Variants in TLK1 observed in about 807,000 individuals in gnomAD.
TLK1 encodes the protein tousled like kinase 1, also known as serine/threonine-protein kinase tousled-like 1.
Under a neutral mutation model 105.3 loss-of-function variants are expected in TLK1, and 24 were observed. The ratio of observed to expected loss-of-function variants is 0.23; its 90% confidence interval spans 0.17 to 0.32. TLK1 has a LOEUF of 0.32. TLK1 is among the 10% of genes least tolerant of loss of function. The probability of loss-of-function intolerance (pLI) is 1.00; values close to 1 mark genes in which losing one functional copy is unlikely to be tolerated. For missense variants in TLK1, 558 were observed against 910.5 expected, an observed-to-expected ratio of 0.61 and a Z score of 4.98; for synonymous variants, 321 against 310.4, an observed-to-expected ratio of 1.03 and a Z score of -0.36.
chr2:171,021,325 A>G (rs1685490957), intron 12 of TLK1, among the ~76,000 whole-genome samples: 1 of 152,174 alleles, frequency 6.6e-6, no homozygotes, highest in Non-Finnish European at 1.5e-5. Flanking sequence ...TTAACGTTCA[A>G]CACTAACCAA....
intron 11 of TLK1, among the ~76,000 whole-genome samples, chr2:171,033,591 G>C (rs778252637): frequency 2.6e-5 from 4 of 151,480 alleles, no homozygotes; most frequent in Non-Finnish European, 5.9e-5. Context: ...ACAAAGAAAT[G>C]ATAAATGCTT....
At chr2:171,069,676 TAAAAC>T (rs1434228944) in intron 3 of TLK1, among the ~76,000 whole-genome samples, 1 of 152,210 alleles carries the variant, frequency 6.6e-6, no homozygotes, top group African/African-American at 2.4e-5. Flanking sequence ...AGTTGGTACA[TAAAAC>T]TAACTGTACG....
At chr2:171,164,235 T>G (rs1692566520), upstream of TLK1, among the ~76,000 whole-genome samples, 1 of 152,194 alleles carries the variant, frequency 6.6e-6, no homozygotes, top group African/African-American at 2.4e-5. Context: ...TTACTGGCAA[T>G]GGGGAGTTAT....
At chr2:171,004,753 T>C (rs1290332491) in intron 18 of TLK1, among the ~76,000 whole-genome samples, 1 of 152,152 alleles carries the variant, frequency 6.6e-6, no homozygotes, top group African/African-American at 2.4e-5. Context: ...TTGGTTTTAT[T>C]AGAATAAGAT....
At chr2:170,999,198 T>C (rs896658543) in intron 18 of TLK1, among the ~76,000 whole-genome samples, 6 of 151,948 alleles carry the variant, frequency 3.9e-5, no homozygotes, top group African/African-American at 1.5e-4. Flanking sequence ...TCAAAACAAA[T>C]AATGCTGCTC....
At chr2:171,162,885 C>T (rs1488675302), upstream of TLK1, among the ~76,000 whole-genome samples, 4 of 152,196 alleles carry the variant, frequency 2.6e-5, no homozygotes, top group African/African-American at 4.8e-5. Context: ...CTCCGCCTCC[C>T]GGGTTCAAAT....
At chr2:171,049,685 C>CGAA in intron 10 of TLK1, 129 bp downstream of exon 10, 1 of 1,155,460 alleles carries the variant, frequency 8.7e-7, no homozygotes, top group South Asian at 1.6e-5. Flanking sequence ...ATATCCCTTT[C>CGAA]AAAGGTACTA....
At chr2:171,033,241 CAG>C (rs933920049) in intron 11 of TLK1, among the ~76,000 whole-genome samples, 3 of 152,070 alleles carry the variant, frequency 2.0e-5, no homozygotes, top group Non-Finnish European at 4.4e-5. Flanking sequence ...GAAGATAACA[CAG>C]GGGTAAATCT....
At chr2:171,102,183 C>T (rs1372779312) in intron 2 of TLK1, among the ~76,000 whole-genome samples, 1 of 152,034 alleles carries the variant, frequency 6.6e-6, no homozygotes, top group Non-Finnish European at 1.5e-5. Flanking sequence ...TCTTTACTTC[C>T]TTTCTTTCAA....
chr2:171,110,112 T>C (rs756559093), intron 2 of TLK1, among the ~76,000 whole-genome samples: 23 of 152,196 alleles, frequency 1.5e-4, no homozygotes, highest in Non-Finnish European at 2.6e-4. Context: ...CGTGAATGGT[T>C]ATAATACCTT....
At chr2:171,198,466 A>G (rs1207359624) in intron 1 of TLK1, among the ~76,000 whole-genome samples, 1 of 152,246 alleles carries the variant, frequency 6.6e-6, no homozygotes, top group East Asian at 1.9e-4. Context: ...TAGAAATATT[A>G]GCCCATTCAA....
At chr2:171,082,526 T>A (rs1192700829) in intron 3 of TLK1, among the ~76,000 whole-genome samples, 1 of 152,162 alleles carries the variant, frequency 6.6e-6, no homozygotes, top group African/African-American at 2.4e-5. Flanking sequence ...AATAACTGTC[T>A]CCAGTAAGAA....
intron 1 of TLK1, among the ~76,000 whole-genome samples, chr2:171,230,930 G>C (rs1395433912): frequency 1.3e-5 from 2 of 152,176 alleles, no homozygotes; most frequent in Non-Finnish European, 2.9e-5. Flanking sequence ...GCCAAAAGCA[G>C]CTGAGAGACA....
chr2:171,073,443 A>G (rs940995492), intron 3 of TLK1, among the ~76,000 whole-genome samples: 1 of 152,170 alleles, frequency 6.6e-6, no homozygotes, highest in Admixed American at 6.6e-5. Flanking sequence ...TAGACAGAAT[A>G]TATCAGAATT....
intron 1 of TLK1, among the ~76,000 whole-genome samples, chr2:171,138,416 A>G (rs1238307895): frequency 2.0e-5 from 3 of 152,250 alleles, no homozygotes; most frequent in Non-Finnish European, 4.4e-5. Context: ...TATCTAAAAA[A>G]TACTGCAAAC....
At chr2:171,223,729 C>G (rs1324273583) in intron 1 of TLK1, among the ~76,000 whole-genome samples, 1 of 151,930 alleles carries the variant, frequency 6.6e-6, no homozygotes, top group East Asian at 1.9e-4. Context: ...ATCTGCTTGC[C>G]TTAGCCTCCC....
chr2:171,144,502 GA>G (rs1691715451), intron 1 of TLK1, among the ~76,000 whole-genome samples: 1 of 151,946 alleles, frequency 6.6e-6, no homozygotes, highest in African/African-American at 2.4e-5. Flanking sequence ...AATTAAATTA[GA>G]ACTCAGTAAC....
At chr2:171,194,544 G>A (rs1693222785) in intron 1 of TLK1, among the ~76,000 whole-genome samples, 4 of 152,224 alleles carry the variant, frequency 2.6e-5, no homozygotes, top group Admixed American at 2.0e-4. Context: ...TGGGCTGGGC[G>A]CGGTGGCTCA....
In TLK1 at chr2:171,074,131, T is replaced by C. The variant is rs371261169; in HGVS notation, c.330+8650A>G. On this transcript the variant is annotated intron_variant, in intron 3 of 20. Transcript: ENST00000431350. ...GTCTCGAACTCCTGACCTCAGGTGA[T>C]CTGCTTGCCTCAGTCTTCCAAACTG... 6.6e-5 allele frequency among the ~76,000 whole-genome samples: 10 copies of C among 152,256 alleles called. No homozygotes were observed. The East Asian group carries it at 1.9e-3, about 29-fold the overall frequency.
Sources: gnomAD v4.1 joint callset for allele counts (sites outside exome capture counted in the v4.1 genomes callset) on GRCh38, gnomAD v4.1.1 for gene constraint, MANE v1.5 for transcripts, NCBI Gene and HGNC (gene_info 2026-07-23, HGNC 2026-07-21) for gene names.